The following TASP1 variants were observed in gnomAD, a reference collection of about 807,000 sequenced individuals.
TASP1 encodes the protein threonine aspartase 1.
In TASP1, 16 loss-of-function variants were observed where a neutral mutation model predicts 56.6. The ratio of observed to expected loss-of-function variants is 0.28; its 90% CI spans 0.19 to 0.43. The LOEUF (loss-of-function observed/expected upper bound fraction) is 0.43. Ranked by LOEUF, TASP1 falls within the 20% of genes least tolerant of loss-of-function variation. The pLI is 1.00. For synonymous variants in TASP1, 179 were observed against 184.2 expected (o/e 0.97, Z 0.23); for missense variants, 393 against 511.6 (o/e 0.77, Z 2.24).
chr20:13,388,817 G>A (rs2041182980), downstream of TASP1, among the ~76,000 whole-genome samples: 3 of 152,176 alleles, frequency 2.0e-5, no homozygotes, highest in African/African-American at 7.2e-5. Context: ...CCTGTACCAG[G>A]AATACAAATC....
At chr20:13,171,420 CAAAT>C in the TASP1 span, among the ~76,000 whole-genome samples, 2 of 152,030 alleles carry the variant, frequency 1.3e-5, no homozygotes, top group African/African-American at 4.8e-5. Context: ...AAAAAATTAT[CAAAT>C]AAAACTTCAA....
intron 10 of TASP1, among the ~76,000 whole-genome samples, chr20:13,484,845 C>T (rs1315387873): frequency 6.6e-6 from 1 of 151,752 alleles, no homozygotes; most frequent in African/African-American, 2.4e-5. Context: ...GTGGATGAAG[C>T]TGGAAACCAT....
chr20:13,530,822 A>C (rs566447008), intron 9 of TASP1, among the ~76,000 whole-genome samples: 194 of 152,336 alleles, frequency 1.3e-3, no homozygotes, highest in Non-Finnish European at 1.7e-3. Flanking sequence ...GAGGTTGTCC[A>C]TCTCTTATCC....
intron 11 of TASP1, among the ~76,000 whole-genome samples, chr20:13,446,096 T>C (rs1358867490): frequency 1.3e-5 from 2 of 152,086 alleles, no homozygotes; most frequent in African/African-American, 4.8e-5. Flanking sequence ...GAGACACAGT[T>C]GTATGACAGG....
At chr20:13,471,674 A>G (rs1253433658) in intron 11 of TASP1, among the ~76,000 whole-genome samples, 3 of 152,166 alleles carry the variant, frequency 2.0e-5, no homozygotes, top group Non-Finnish European at 4.4e-5. Flanking sequence ...ACATCTTAGA[A>G]TAAAACTGTA....
At chr20:13,498,278 A>T (rs4814239) in intron 10 of TASP1, among the ~76,000 whole-genome samples, 92,481 of 151,496 alleles carry the variant, frequency 0.61, 28,849 homozygotes, top group Non-Finnish European at 0.68. Context: ...TAAAAACAAA[A>T]AATCCCATTA....
chr20:13,153,838 A>G, the TASP1 span, among the ~76,000 whole-genome samples: 2 of 152,106 alleles, frequency 1.3e-5, no homozygotes, highest in Non-Finnish European at 2.9e-5. Context: ...CCTGGGCATC[A>G]GTGCCCACAC....
rs562702965 is a variant in TASP1 at position 13,429,553 on chromosome 20, C to G, written c.1096+5491G>C. 1.3e-3 allele frequency among the ~76,000 whole-genome samples: 201 copies of G among 151,898 alleles called. 1 individual carries two copies. Among genetic ancestry groups the G allele is most frequent in the African/African-American group, 4.5e-3 (187 of 41,398 alleles). On this transcript the variant is annotated intron_variant, in intron 12 of 13. Transcript: ENST00000337743. ...GAGGTCAGATCAGGGGATGCCATTT[C>G]CCATCAAGTTAGGTAGCTCCCATTT... is the stretch of plus-strand genomic sequence containing the variant.
At chr20:13,550,185 C>A (rs113505026) in intron 8 of TASP1, among the ~76,000 whole-genome samples, 1 of 148,374 alleles carries the variant, frequency 6.7e-6, no homozygotes, top group African/African-American at 2.5e-5. Flanking sequence ...CACACACACA[C>A]AGAGACACTG....
chr20:13,314,946 G>T, the TASP1 span, among the ~76,000 whole-genome samples: 1 of 152,058 alleles, frequency 6.6e-6, no homozygotes, highest in East Asian at 1.9e-4. Flanking sequence ...CCATGAAGTG[G>T]TACAGTGTTA....
chr20:13,434,902 A>C, intron 12 of TASP1, 142 bp downstream of exon 12: 2 of 533,586 alleles, frequency 3.7e-6, no homozygotes, highest in Non-Finnish European at 6.7e-6. Flanking sequence ...GAAAAAGATC[A>C]GTAGAACAGG....
intron 12 of TASP1, among the ~76,000 whole-genome samples, chr20:13,419,537 T>G (rs1364789280): frequency 6.6e-6 from 1 of 152,222 alleles, no homozygotes; most frequent in Non-Finnish European, 1.5e-5. Context: ...AAGGCATTTT[T>G]AAAGTTGTAA....
intron 10 of TASP1, among the ~76,000 whole-genome samples, chr20:13,507,180 G>A (rs1189206073): frequency 1.3e-5 from 2 of 151,870 alleles, no homozygotes; most frequent in Non-Finnish European, 2.9e-5. Flanking sequence ...GCATCAAAAA[G>A]AATAAAATAT....
the TASP1 span, among the ~76,000 whole-genome samples, chr20:13,375,448 G>T: frequency 6.6e-6 from 1 of 152,084 alleles, no homozygotes; most frequent in Non-Finnish European, 1.5e-5. Context: ...ATTCCATGGT[G>T]TATATGTGCC....
At chr20:13,227,078 T>C in the TASP1 span, among the ~76,000 whole-genome samples, 1 of 152,252 alleles carries the variant, frequency 6.6e-6, no homozygotes, top group African/African-American at 2.4e-5. Flanking sequence ...GCCTTTTGTC[T>C]TGAATACTTT....
the TASP1 span, among the ~76,000 whole-genome samples, chr20:13,189,252 A>G: frequency 2.6e-5 from 4 of 152,212 alleles, no homozygotes; most frequent in African/African-American, 9.6e-5. Flanking sequence ...TAGGCAAAGA[A>G]TTTATGACTA....
intron 11 of TASP1, among the ~76,000 whole-genome samples, chr20:13,439,968 GC>G (rs2043158685): frequency 6.6e-6 from 1 of 152,026 alleles, no homozygotes; most frequent in Non-Finnish European, 1.5e-5. Flanking sequence ...TGAAAAAGGG[GC>G]CCCACGAAGA....
the TASP1 span, among the ~76,000 whole-genome samples, chr20:13,196,790 T>C: frequency 4.6e-5 from 7 of 152,338 alleles, no homozygotes; most frequent in Middle Eastern, 3.4e-3. Context: ...GGCCCATGTT[T>C]ATAGCCCACA....
rs549278012 is a variant in TASP1, at chr20:13,589,611, T to G, written c.283-2241A>C. Among the ~76,000 whole-genome samples the G allele has an allele frequency of 6.6e-5, 10 of 152,004 alleles. No individual in the cohort carries two copies. The East Asian group carries it at 1.9e-3, about 29-fold the overall frequency. The stretch of plus-strand genomic sequence containing the variant: ...AAAGAAAAAACTAGGTAAATAGGAC[T>G]TCATCAAAATTTAAAACTTTTATTT... On this transcript the variant is annotated intron_variant, in intron 4 of 13. Coordinates refer to ENST00000337743, the MANE Select transcript of TASP1 (RefSeq NM_017714.3).
Sources: gnomAD v4.1 joint callset for allele counts (sites outside exome capture counted in the v4.1 genomes callset) on GRCh38, gnomAD v4.1.1 for gene constraint, MANE v1.5 for transcripts, NCBI Gene and HGNC (gene_info 2026-07-23, HGNC 2026-07-21) for gene names.